The following LINC00305 variants were observed in gnomAD, a reference collection of about 807,000 sequenced individuals.
LINC00305 encodes long intergenic non-protein coding RNA 305.
At chr18:64,117,708 C>T (rs910595746) in intron 1 of LINC00305, among the ~76,000 whole-genome samples, 4 of 152,174 alleles carry the variant, frequency 2.6e-5, no homozygotes, top group East Asian at 1.9e-4. Flanking sequence ...GTGCATGTAA[C>T]GGTACAGATC....
At chr18:64,111,203 C>G (rs1004872578) in intron 1 of LINC00305, among the ~76,000 whole-genome samples, 1 of 152,136 alleles carries the variant, frequency 6.6e-6, no homozygotes, top group Non-Finnish European at 1.5e-5. Context: ...TGTGACATAC[C>G]ATGTTTTTCC....
chr18:64,114,543 T>C (rs1248596611), intron 1 of LINC00305, among the ~76,000 whole-genome samples: 1 of 152,204 alleles, frequency 6.6e-6, no homozygotes. Flanking sequence ...ATTTATTTTA[T>C]GGGTTTTGTT....
chr18:64,108,370 A>G (rs1234937387), intron 1 of LINC00305, among the ~76,000 whole-genome samples: 1 of 152,236 alleles, frequency 6.6e-6, no homozygotes, highest in Non-Finnish European at 1.5e-5. Context: ...ATGGGTTAGC[A>G]TGATAAGTTG....
At chr18:64,100,273 C>T (rs888423849) in intron 1 of LINC00305, among the ~76,000 whole-genome samples, 1 of 152,046 alleles carries the variant, frequency 6.6e-6, no homozygotes, top group African/African-American at 2.4e-5. Flanking sequence ...TTTAACACCC[C>T]CTCAAAGCTA....
intron 1 of LINC00305, among the ~76,000 whole-genome samples, chr18:64,142,617 T>C (rs535283285): frequency 6.6e-6 from 1 of 152,284 alleles, no homozygotes; most frequent in African/African-American, 2.4e-5. Flanking sequence ...GCAGCCCTCA[T>C]GGAGCATGAT....
At chr18:64,090,698 T>A (rs114266848) in intron 3 of LINC00305, among the ~76,000 whole-genome samples, 1,723 of 152,342 alleles carry the variant, frequency 0.011, 37 homozygotes, top group African/African-American at 0.04. Flanking sequence ...TCTCTCTTTA[T>A]GTGTCATGGT....
chr18:64,132,508 C>T (rs1459786431), intron 1 of LINC00305, among the ~76,000 whole-genome samples: 2 of 152,104 alleles, frequency 1.3e-5, no homozygotes, highest in Non-Finnish European at 2.9e-5. Context: ...ATAATTTCCA[C>T]TCCCCCCCCG....
At chr18:64,145,559 T>A (rs917219820) in intron 1 of LINC00305, among the ~76,000 whole-genome samples, 2 of 152,122 alleles carry the variant, frequency 1.3e-5, no homozygotes, top group African/African-American at 4.8e-5. Flanking sequence ...GCTGGCCAGA[T>A]CCCACAATAA....
intron 1 of LINC00305, among the ~76,000 whole-genome samples, chr18:64,141,432 A>G (rs1396729529): frequency 2.0e-5 from 3 of 152,216 alleles, no homozygotes; most frequent in African/African-American, 4.8e-5. Context: ...GTTACTGTTG[A>G]AAACGAGCAT....
chr18:64,092,362 A>G (rs144013457), intron 3 of LINC00305, among the ~76,000 whole-genome samples: 1 of 152,344 alleles, frequency 6.6e-6, no homozygotes, highest in East Asian at 1.9e-4. Context: ...GAAGATCGAG[A>G]CCATCCTGGC....
rs375930822 is a variant in LINC00305 at position 64,146,951 on chromosome 18, T to G, written n.314+1824A>C. On this transcript the variant is annotated intron_variant and non_coding_transcript_variant, in intron 1 of 3. Transcript: ENST00000666468. ...CAGCTTCACATATTAGCAAGTCAAT[T>G]TGTATGTTTTTCAGAATGTTTCTTT... 9.2e-5 allele frequency among the ~76,000 whole-genome samples: 14 copies of G among 152,306 alleles called. No homozygotes were observed. In the East Asian group the frequency reaches 2.5e-3, roughly 27 times the overall value.
chr18:64,089,776 T>C (rs922006554), intron 3 of LINC00305, among the ~76,000 whole-genome samples: 1 of 152,212 alleles, frequency 6.6e-6, no homozygotes, highest in African/African-American at 2.4e-5. Flanking sequence ...GCGTCTTATA[T>C]GGATGGCAGC....
intron 1 of LINC00305, among the ~76,000 whole-genome samples, chr18:64,112,267 G>A (rs184018578): frequency 3.4e-5 from 5 of 149,114 alleles, no homozygotes; most frequent in African/African-American, 9.9e-5. Context: ...GCTTGTCATA[G>A]CCCATTAGCG....
chr18:64,096,000 A>G (rs2051243584), intron 3 of LINC00305, among the ~76,000 whole-genome samples: 1 of 152,120 alleles, frequency 6.6e-6, no homozygotes, highest in South Asian at 2.1e-4. Flanking sequence ...AAATGCTAGA[A>G]GAATTCTCAC....
chr18:64,116,464 C>T (rs975623021), intron 1 of LINC00305, among the ~76,000 whole-genome samples: 9 of 152,116 alleles, frequency 5.9e-5, no homozygotes, highest in African/African-American at 1.2e-4. Flanking sequence ...TGACATTAAC[C>T]GTTGAGTTCC....
At chr18:64,132,920 G>T (rs2051416283) in intron 1 of LINC00305, among the ~76,000 whole-genome samples, 1 of 152,212 alleles carries the variant, frequency 6.6e-6, no homozygotes, top group South Asian at 2.1e-4. Context: ...AGTCAGGAAA[G>T]ATGGAGGGCC....
intron 1 of LINC00305, among the ~76,000 whole-genome samples, chr18:64,102,910 A>T (rs1001441851): frequency 6.6e-6 from 1 of 152,220 alleles, no homozygotes; most frequent in Non-Finnish European, 1.5e-5. Context: ...CCCCACCTCC[A>T]ACATTGGAGA....
At chr18:64,100,434 C>T (rs2144239551) in intron 1 of LINC00305, among the ~76,000 whole-genome samples, 1 of 152,288 alleles carries the variant, frequency 6.6e-6, no homozygotes, top group South Asian at 2.1e-4. Context: ...CTGGGCCTTT[C>T]TTTTCCTCAA....
intron 3 of LINC00305, among the ~76,000 whole-genome samples, chr18:64,090,204 C>A (rs1399331170): frequency 1.3e-5 from 2 of 152,138 alleles, no homozygotes; most frequent in Non-Finnish European, 2.9e-5. Flanking sequence ...ATTAAGTGAG[C>A]TTTTTAGTAG....
Sources: gnomAD v4.1 joint callset for allele counts (sites outside exome capture counted in the v4.1 genomes callset) on GRCh38, gnomAD v4.1.1 for gene constraint, MANE v1.5 for transcripts, NCBI Gene and HGNC (gene_info 2026-07-23, HGNC 2026-07-21) for gene names.